The following CA10 variants were observed in gnomAD, a reference collection of about 807,000 sequenced individuals.
The protein encoded by CA10 is carbonic anhydrase-related protein 10.
Under a neutral mutation model 44.2 loss-of-function variants are expected in CA10, and 14 were observed. That is an observed-to-expected ratio of 0.32 (90% confidence interval 0.21 to 0.50). The LOEUF (loss-of-function observed/expected upper bound fraction) is 0.50, where lower values mean the gene tolerates loss of function less well. CA10 is among the 20% of genes least tolerant of loss of function. The pLI, the probability that CA10 is intolerant of heterozygous loss-of-function variation, is 0.99. For synonymous variants in CA10, 159 were observed against 141.6 expected (o/e 1.12, Z -0.87); for missense variants, 350 against 409.7 (o/e 0.85, Z 1.26).
In CA10 at chr17:51,747,834, C is replaced by G; in HGVS notation, c.280-16G>C. 6.3e-7 allele frequency: 1 copy of G among 1,597,978 alleles called. No individual in the cohort carries two copies. The highest frequency in any genetic ancestry group is 1.7e-5 in the Admixed American group (1 of 58,740). ...TCCCACTGACCTGCAAGGCAATTAGCAACAGGTCAAGCAAGGCCCTCCTTC... is the reference window on the plus strand; with the variant it reads ...TCCCACTGACCTGCAAGGCAATTAGGAACAGGTCAAGCAAGGCCCTCCTTC... On this transcript the variant is annotated splice_polypyrimidine_tract_variant and intron_variant, in intron 3 of 8. Coordinates refer to ENST00000451037, the MANE Select transcript of CA10 (RefSeq NM_020178.5).
intron 2 of CA10, among the ~76,000 whole-genome samples, chr17:51,990,531 C>G (rs1475332521): frequency 6.6e-6 from 1 of 151,994 alleles, no homozygotes; most frequent in Non-Finnish European, 1.5e-5. Context: ...GGAGAGGAGA[C>G]AGTACAAAAC....
chr17:52,106,099 A>T lies in CA10; in HGVS notation c.62-33706T>A, dbSNP rs1201662610. On this transcript the variant is annotated intron_variant, in intron 1 of 8. Coordinates refer to ENST00000451037, the MANE Select transcript of CA10 (RefSeq NM_020178.5). ...AAGATCTTTCTTGTGCTTATTTCTT[A>T]GATTTTGCTATAGGGGCTGGCCCGC... is the stretch of plus-strand genomic sequence containing the variant. 3.9e-5 allele frequency among the ~76,000 whole-genome samples: 6 copies of T among 152,340 alleles called. No homozygotes were observed. In the East Asian group the frequency reaches 1.2e-3, roughly 29 times the overall value.
intron 3 of CA10, among the ~76,000 whole-genome samples, chr17:51,891,687 G>T (rs1361308288): frequency 6.6e-6 from 1 of 152,218 alleles, no homozygotes; most frequent in Non-Finnish European, 1.5e-5. Flanking sequence ...TCAGGAGGCA[G>T]GCAGGTGAGG....
intron 2 of CA10, among the ~76,000 whole-genome samples, chr17:51,939,719 G>A (rs73350218): frequency 0.021 from 3,198 of 151,978 alleles, 100 homozygotes; most frequent in African/African-American, 0.073. Flanking sequence ...TCTTCTGATC[G>A]TATTCTTCAC....
At chr17:51,754,285 AGTGTGTGT>A (rs60269292) in intron 3 of CA10, among the ~76,000 whole-genome samples, 23,260 of 140,858 alleles carry the variant, frequency 0.17, 1,940 homozygotes, top group East Asian at 0.28. Flanking sequence ...GAAACAGAAT[AGTGTGTGT>A]GTGTGTGTGT....
intron 6 of CA10, among the ~76,000 whole-genome samples, chr17:51,647,642 G>A (rs1913394310): frequency 1.3e-5 from 2 of 151,998 alleles, no homozygotes; most frequent in Admixed American, 1.3e-4. Flanking sequence ...GGCTTAATGT[G>A]TGATTTCATG....
At chr17:52,012,854 T>C (rs1985844403) in intron 2 of CA10, among the ~76,000 whole-genome samples, 2 of 151,928 alleles carry the variant, frequency 1.3e-5, no homozygotes, top group Admixed American at 1.3e-4. Flanking sequence ...ATTTTAAAGT[T>C]AGGTGGCTGT....
chr17:52,100,299 T>C (rs1988507104), intron 1 of CA10, among the ~76,000 whole-genome samples: 1 of 152,114 alleles, frequency 6.6e-6, no homozygotes, highest in Non-Finnish European at 1.5e-5. Context: ...ATCATCTTCA[T>C]AGAAACAGTA....
chr17:51,904,409 C>A (rs1283388499), intron 3 of CA10, among the ~76,000 whole-genome samples: 1 of 152,074 alleles, frequency 6.6e-6, no homozygotes. Context: ...CAGCTCCTTG[C>A]CTCTTAATGG....
At chr17:52,020,715 G>A (rs575105094) in intron 2 of CA10, among the ~76,000 whole-genome samples, 1 of 151,830 alleles carries the variant, frequency 6.6e-6, no homozygotes, top group Non-Finnish European at 1.5e-5. Context: ...TGGATATATT[G>A]CATGATGCTG....
At chr17:52,101,847 G>T (rs999995689) in intron 1 of CA10, among the ~76,000 whole-genome samples, 2 of 152,102 alleles carry the variant, frequency 1.3e-5, no homozygotes, top group African/African-American at 4.8e-5. Context: ...GGTTTAAATA[G>T]AAATATTCAA....
chr17:51,732,912 C>T (rs1916771360), intron 4 of CA10, among the ~76,000 whole-genome samples: 1 of 152,146 alleles, frequency 6.6e-6, no homozygotes, highest in Non-Finnish European at 1.5e-5. Flanking sequence ...CAGAGATGGG[C>T]AATGGAGTAG....
chr17:51,955,921 C>A lies in CA10; in HGVS notation c.137-24789G>T, dbSNP rs553268499. Among the ~76,000 whole-genome samples the A allele has an allele frequency of 7.2e-5, 11 of 152,194 alleles. No individual in the cohort carries two copies. The South Asian group carries it at 2.3e-3, about 32-fold the overall frequency. On this transcript the variant is annotated intron_variant, in intron 2 of 8. Transcript: ENST00000451037. ...ATGACGGATTGACGGATGCAGCAAA[C>A]CACCATGGCACGTGTATACCTATGT...
At chr17:51,743,529 A>T (rs941843959) in intron 4 of CA10, among the ~76,000 whole-genome samples, 1 of 152,226 alleles carries the variant, frequency 6.6e-6, no homozygotes, top group African/African-American at 2.4e-5. Context: ...TTTTTATAAA[A>T]ATGCAGTTGC....
chr17:51,647,926 C>A (rs919595053), intron 6 of CA10, among the ~76,000 whole-genome samples: 2 of 152,132 alleles, frequency 1.3e-5, no homozygotes, highest in Non-Finnish European at 2.9e-5. Flanking sequence ...CTAGGTGGAG[C>A]GGGATTCTCC....
At chr17:51,675,869 A>G (rs1914612000) in intron 4 of CA10, among the ~76,000 whole-genome samples, 1 of 152,134 alleles carries the variant, frequency 6.6e-6, no homozygotes, top group South Asian at 2.1e-4. Context: ...AACGAATAAG[A>G]TTTTCTCTTA....
chr17:51,894,010 A>G (rs1980967910), intron 3 of CA10, among the ~76,000 whole-genome samples: 1 of 152,168 alleles, frequency 6.6e-6, no homozygotes. Flanking sequence ...TAAATGACAT[A>G]AGATATTCAC....
intron 4 of CA10, among the ~76,000 whole-genome samples, chr17:51,737,731 G>A (rs1178569390): frequency 1.3e-5 from 2 of 152,100 alleles, no homozygotes; most frequent in Non-Finnish European, 2.9e-5. Flanking sequence ...TTAGGCCATT[G>A]TCCTTCCCTT....
At chr17:52,047,766 T>C (rs1421332029) in intron 2 of CA10, among the ~76,000 whole-genome samples, 2 of 151,988 alleles carry the variant, frequency 1.3e-5, no homozygotes, top group Admixed American at 6.6e-5. Context: ...CTTGCTTTTA[T>C]CACTAAAACT....
Sources: allele counts gnomAD v4.1 joint callset (sites outside exome capture counted in the v4.1 genomes callset), GRCh38; gene constraint gnomAD v4.1.1; transcripts MANE v1.5; gene names NCBI Gene and HGNC (gene_info 2026-07-23, HGNC 2026-07-21).